Variants in DOCK1 observed in about 807,000 individuals in gnomAD.
DOCK1 encodes dedicator of cytokinesis protein 1.
DOCK1 carries 138 observed loss-of-function variants against 262.7 expected under a neutral mutation model. The ratio of observed to expected loss-of-function variants is 0.53; its 90% CI spans 0.46 to 0.61. The LOEUF (loss-of-function observed/expected upper bound fraction) is 0.61. DOCK1 is among the 20% of genes least tolerant of loss of function. DOCK1 has a pLI of 0.00. For missense variants in DOCK1, 1,908 were observed against 2,370.7 expected (o/e 0.80, Z 4.05); for synonymous variants, 866 against 867.4 (o/e 1.00, Z 0.03).
intron 27 of DOCK1, among the ~76,000 whole-genome samples, chr10:127,203,681 A>G (rs1400011712): frequency 6.6e-6 from 1 of 150,700 alleles, no homozygotes; most frequent in Non-Finnish European, 1.5e-5. Context: ...GAGTCTTTGG[A>G]GAATTAAACA....
At chr10:126,979,244 G>C (rs1165651543) in intron 3 of DOCK1, among the ~76,000 whole-genome samples, 1 of 152,114 alleles carries the variant, frequency 6.6e-6, no homozygotes, top group African/African-American at 2.4e-5. Context: ...ATTCCAGCCA[G>C]GCCCAAAGAT....
At chr10:127,273,754 G>A (rs1267570111) in intron 29 of DOCK1, among the ~76,000 whole-genome samples, 1 of 151,962 alleles carries the variant, frequency 6.6e-6, no homozygotes, top group African/African-American at 2.4e-5. Context: ...GCGATGGCAG[G>A]CACCTGTAGT....
chr10:126,945,371 T>C (rs2035311767), intron 1 of DOCK1, among the ~76,000 whole-genome samples: 1 of 151,508 alleles, frequency 6.6e-6, no homozygotes, highest in African/African-American at 2.4e-5. Context: ...GGGCAGCTCA[T>C]GTAGGGCTGG....
At chr10:127,305,117 A>G (rs1394802190) in intron 29 of DOCK1, among the ~76,000 whole-genome samples, 2 of 151,528 alleles carry the variant, frequency 1.3e-5, no homozygotes, top group African/African-American at 2.4e-5. Context: ...CTAATTTTGC[A>G]TATTTTTTTT....
At chr10:126,944,152 G>A (rs2035221633) in intron 1 of DOCK1, among the ~76,000 whole-genome samples, 1 of 151,786 alleles carries the variant, frequency 6.6e-6, no homozygotes. Flanking sequence ...GGAGCCAGTG[G>A]GTTTGAGAAT....
At chr10:127,129,153 CACAG>C (rs1347642209) in intron 27 of DOCK1, among the ~76,000 whole-genome samples, 1 of 152,120 alleles carries the variant, frequency 6.6e-6, no homozygotes, top group African/African-American at 2.4e-5. Flanking sequence ...TCGTGTGCGT[CACAG>C]ACAGGTCGCA....
chr10:127,091,849 C>G (rs2047552527), intron 23 of DOCK1, among the ~76,000 whole-genome samples: 2 of 152,188 alleles, frequency 1.3e-5, no homozygotes, highest in Admixed American at 6.5e-5. Context: ...ACTGCATGCT[C>G]TATAGACCCC....
intron 23 of DOCK1, among the ~76,000 whole-genome samples, chr10:127,105,718 C>T (rs999545901): frequency 1.3e-5 from 2 of 152,218 alleles, no homozygotes; most frequent in Middle Eastern, 3.4e-3. Flanking sequence ...TCAGGACAAC[C>T]TGTGAGAAGT....
At chr10:126,975,818 A>C (rs1270604875) in intron 2 of DOCK1, among the ~76,000 whole-genome samples, 1 of 150,822 alleles carries the variant, frequency 6.6e-6, no homozygotes, top group African/African-American at 2.4e-5. Flanking sequence ...GGGTTTTGCC[A>C]TGTTGGCCAG....
chr10:127,179,848 G>A (rs2055556281), intron 27 of DOCK1, among the ~76,000 whole-genome samples: 1 of 152,174 alleles, frequency 6.6e-6, no homozygotes, highest in African/African-American at 2.4e-5. Flanking sequence ...GCAGTTAAGT[G>A]CTCCTATGTG....
At chr10:127,362,991 C>CACACACACACGCACAT (rs56121314) in intron 33 of DOCK1, among the ~76,000 whole-genome samples, 6 of 47,576 alleles carry the variant, frequency 1.3e-4, no homozygotes, top group East Asian at 6.1e-4. Flanking sequence ...ACACATCCCC[C>CACACACACACGCACAT]CCCACACACA....
At chr10:127,428,262 T>A (rs2068948999) in intron 47 of DOCK1, among the ~76,000 whole-genome samples, 1 of 152,246 alleles carries the variant, frequency 6.6e-6, no homozygotes, top group African/African-American at 2.4e-5. Flanking sequence ...TATTTCAAAA[T>A]CACAGAAAGC....
intron 18 of DOCK1, among the ~76,000 whole-genome samples, chr10:127,037,156 CCAGACAT>C (rs1238315568): frequency 6.6e-6 from 1 of 151,462 alleles, no homozygotes; most frequent in Non-Finnish European, 1.5e-5. Flanking sequence ...CTGTGGAAGC[CCAGACAT>C]GGTGAGGGCC....
Position 127,176,316 on chromosome 10 carries a change from T to C in DOCK1, c.2847+48552T>C. ...GTTGGGGTCCAGGGCGTATTTCATC[T>C]CCAGGGCCAGGCAGGCGGCGGGTTC... On this transcript the variant is annotated intron_variant, in intron 27 of 51. Coordinates refer to ENST00000623213, the MANE Select transcript of DOCK1 (RefSeq NM_001290223.2). This position sits in a 1 kb window ranked among gnomAD's most constrained non-coding sequence, Gnocchi z 4.4. The C allele has an allele frequency of 6.2e-7, 1 of 1,614,094 alleles. No homozygotes were observed. The highest frequency in any genetic ancestry group is 8.5e-7 in the Non-Finnish European group (1 of 1,180,036).
chr10:127,379,156 G>A (rs1201142099), intron 35 of DOCK1, among the ~76,000 whole-genome samples: 1 of 152,174 alleles, frequency 6.6e-6, no homozygotes, highest in African/African-American at 2.4e-5. Flanking sequence ...CTTAGGCCTT[G>A]TGAGGTGACT....
intron 25 of DOCK1, among the ~76,000 whole-genome samples, chr10:127,116,026 G>A (rs1336753893): frequency 3.3e-5 from 5 of 152,154 alleles, no homozygotes; most frequent in Non-Finnish European, 7.4e-5. Context: ...AATTTTAGTG[G>A]TAAGGCTACC....
At chr10:127,285,617 G>A (rs2061122042) in intron 29 of DOCK1, among the ~76,000 whole-genome samples, 3 of 152,208 alleles carry the variant, frequency 2.0e-5, no homozygotes, top group Admixed American at 2.0e-4. Flanking sequence ...TGTTCCCTTA[G>A]CAGGGAGCCA....
chr10:127,441,777 C>G (rs552427897), intron 49 of DOCK1, among the ~76,000 whole-genome samples: 39 of 146,614 alleles, frequency 2.7e-4, no homozygotes, highest in African/African-American at 9.3e-4. Flanking sequence ...AAAGGTTTTC[C>G]CTCCTCACCC....
intron 23 of DOCK1, among the ~76,000 whole-genome samples, chr10:127,081,208 T>A (rs2046880348): frequency 6.6e-6 from 1 of 152,134 alleles, no homozygotes. Flanking sequence ...ATGCAGCCAT[T>A]TGAAGTATCT....
Sources: allele counts gnomAD v4.1 joint callset (sites outside exome capture counted in the v4.1 genomes callset), GRCh38; gene constraint gnomAD v4.1.1; non-coding constraint Gnocchi (gnomAD v3.1); transcripts MANE v1.5; gene names NCBI Gene and HGNC (gene_info 2026-07-23, HGNC 2026-07-21).